Variants in CNTNAP2 observed in about 807,000 individuals in gnomAD.
CNTNAP2 encodes the protein contactin-associated protein-like 2.
In CNTNAP2, 98 loss-of-function variants were observed where a neutral mutation model predicts 155.2. The observed-to-expected ratio is 0.63, with a 90% CI of 0.54 to 0.75. The LOEUF is 0.75. Among genes scored for constraint, CNTNAP2 ranks in the 30% least tolerant of loss-of-function variants. The probability of loss-of-function intolerance (pLI) is 0.00; values close to 1 mark genes in which losing one functional copy is unlikely to be tolerated. For synonymous variants in CNTNAP2, 651 were observed against 631.2 expected, an observed-to-expected ratio of 1.03 and a Z score of -0.47; for missense variants, 1,727 against 1,688.1, an observed-to-expected ratio of 1.02 and a Z score of -0.40.
intron 1 of CNTNAP2, among the ~76,000 whole-genome samples, chr7:146,159,748 T>C (rs553449062): frequency 6.6e-6 from 1 of 152,244 alleles, no homozygotes; most frequent in African/African-American, 2.4e-5. Flanking sequence ...AACAAGTCCT[T>C]AGATACATAC....
In CNTNAP2 at chr7:146,127,791, A is replaced by T. The variant is rs547059804; in HGVS notation, c.97+10818A>T. 5.3e-5 allele frequency among the ~76,000 whole-genome samples: 8 copies of T among 152,306 alleles called. No individual in the cohort carries two copies. The South Asian group carries it at 1.7e-3, about 32-fold the overall frequency. The stretch of plus-strand genomic sequence containing the variant: ...AAATAGAGTACTTAAGATGTCACCA[A>T]ATCTTCTAAATGATAGCTGTAGCTT... On this transcript the variant is annotated intron_variant, in intron 1 of 23. Coordinates refer to ENST00000361727, the MANE Select transcript of CNTNAP2 (RefSeq NM_014141.6).
intron 1 of CNTNAP2, among the ~76,000 whole-genome samples, chr7:146,468,396 T>A (rs1796746109): frequency 6.7e-6 from 1 of 149,628 alleles, no homozygotes; most frequent in East Asian, 2.0e-4. Context: ...TACACCCAGG[T>A]AACAAATCTG....
At chr7:147,095,111 C>T (rs974278738) in intron 4 of CNTNAP2, among the ~76,000 whole-genome samples, 7 of 151,924 alleles carry the variant, frequency 4.6e-5, no homozygotes, top group Non-Finnish European at 8.8e-5. Context: ...CCTTCGTCTA[C>T]CGGGTTCAAG....
chr7:148,101,976 T>G (rs1804111406), intron 15 of CNTNAP2, among the ~76,000 whole-genome samples: 1 of 152,170 alleles, frequency 6.6e-6, no homozygotes, highest in East Asian at 1.9e-4. Flanking sequence ...AAACTTCTAT[T>G]TTTTCTAACT....
intron 20 of CNTNAP2, among the ~76,000 whole-genome samples, chr7:148,247,919 G>C (rs930369290): frequency 2.5e-4 from 38 of 151,940 alleles, no homozygotes; most frequent in African/African-American, 8.2e-4. Flanking sequence ...CTCCCAAAGT[G>C]CTGGGATTAC....
intron 8 of CNTNAP2, among the ~76,000 whole-genome samples, chr7:147,282,634 G>A (rs1377723962): frequency 6.6e-6 from 1 of 151,844 alleles, no homozygotes; most frequent in Non-Finnish European, 1.5e-5. Flanking sequence ...AGTTTAAAGG[G>A]AAAGCAAAAC....
intron 12 of CNTNAP2, among the ~76,000 whole-genome samples, chr7:147,594,315 C>A (rs995532490): frequency 1.3e-5 from 2 of 151,960 alleles, no homozygotes; most frequent in Non-Finnish European, 2.9e-5. Flanking sequence ...TGGGTTTGAT[C>A]TTCTGCTTCG....
chr7:147,821,319 TA>T (rs1367266944), intron 13 of CNTNAP2, among the ~76,000 whole-genome samples: 7 of 152,164 alleles, frequency 4.6e-5, no homozygotes, highest in Admixed American at 1.3e-4. Context: ...TCCCATTAGA[TA>T]TTTTTTGGGC....
chr7:148,069,673 T>C (rs933489536), intron 15 of CNTNAP2, among the ~76,000 whole-genome samples: 14 of 148,438 alleles, frequency 9.4e-5, no homozygotes, highest in African/African-American at 3.3e-4. Context: ...GACAGGAGAA[T>C]GGCGTGAACC....
chr7:147,414,858 G>A lies in CNTNAP2; in HGVS notation c.1670+19078G>A, dbSNP rs534584041. On this transcript the variant is annotated intron_variant, in intron 10 of 23. Coordinates refer to ENST00000361727, the MANE Select transcript of CNTNAP2 (RefSeq NM_014141.6). ...CGGGAGGCTGAGGCAGGAGAATGGCGTGAACCTTGGGGGGTGGAGCCTGCA... is the reference window on the plus strand; with the variant it reads ...CGGGAGGCTGAGGCAGGAGAATGGCATGAACCTTGGGGGGTGGAGCCTGCA... Among the ~76,000 whole-genome samples, 9 of 145,592 alleles carry A rather than the reference G, an allele frequency of 6.2e-5. No homozygotes were observed. In the East Asian group the frequency reaches 1.0e-3, roughly 16 times the overall value.
intron 15 of CNTNAP2, among the ~76,000 whole-genome samples, chr7:148,017,451 T>A (rs771717510): frequency 4.6e-5 from 7 of 152,310 alleles, no homozygotes; most frequent in African/African-American, 7.2e-5. Context: ...CTGCTTATGT[T>A]AAAAATTGAT....
chr7:146,834,838 T>C (rs997859336), intron 2 of CNTNAP2, among the ~76,000 whole-genome samples: 6 of 152,172 alleles, frequency 3.9e-5, no homozygotes, highest in Non-Finnish European at 5.9e-5. Flanking sequence ...GAGGTGGTTG[T>C]GATGAAAGAG....
chr7:146,679,226 T>C (rs1585039059), intron 1 of CNTNAP2, among the ~76,000 whole-genome samples: 1 of 152,170 alleles, frequency 6.6e-6, no homozygotes. Flanking sequence ...GTTCCCATCA[T>C]TTAGCTTCCA....
chr7:147,419,398 G>A (rs1393970875), intron 10 of CNTNAP2, among the ~76,000 whole-genome samples: 3 of 152,078 alleles, frequency 2.0e-5, no homozygotes, highest in African/African-American at 7.2e-5. Flanking sequence ...GAAGATATAT[G>A]GCTAGGAGTA....
At chr7:147,416,527 C>T (rs1797196796) in intron 10 of CNTNAP2, among the ~76,000 whole-genome samples, 1 of 152,214 alleles carries the variant, frequency 6.6e-6, no homozygotes. Flanking sequence ...CCTGAGATCC[C>T]TCCACAGTCC....
intron 10 of CNTNAP2, among the ~76,000 whole-genome samples, chr7:147,467,298 T>A (rs925946189): frequency 6.6e-6 from 1 of 152,256 alleles, no homozygotes; most frequent in African/African-American, 2.4e-5. Flanking sequence ...TAAGTAACTG[T>A]AACTACTTGT....
intron 12 of CNTNAP2, among the ~76,000 whole-genome samples, chr7:147,590,238 G>A (rs1321478690): frequency 6.6e-6 from 1 of 151,724 alleles, no homozygotes; most frequent in Non-Finnish European, 1.5e-5. Context: ...ATTATTGATA[G>A]CCTGTTACAT....
intron 1 of CNTNAP2, among the ~76,000 whole-genome samples, chr7:146,449,595 TG>T (rs1475901993): frequency 1.3e-5 from 2 of 152,170 alleles, no homozygotes; most frequent in African/African-American, 4.8e-5. Flanking sequence ...TACTCCATCT[TG>T]GAGTTGAACT....
At chr7:146,890,254 A>G (rs535103359) in intron 3 of CNTNAP2, among the ~76,000 whole-genome samples, 32 of 152,198 alleles carry the variant, frequency 2.1e-4, no homozygotes, top group Non-Finnish European at 3.7e-4. Flanking sequence ...TTTTATGTAG[A>G]ATGTTATTTT....
Sources: allele counts gnomAD v4.1 joint callset (sites outside exome capture counted in the v4.1 genomes callset), GRCh38; gene constraint gnomAD v4.1.1; transcripts MANE v1.5; gene names NCBI Gene and HGNC (gene_info 2026-07-23, HGNC 2026-07-21).